The following CFAP92 variants were observed in gnomAD, a reference collection of about 807,000 sequenced individuals.
CFAP92 encodes uncharacterized protein CFAP92.
CFAP92 carries 86 observed loss-of-function variants against 106.3 expected under a neutral mutation model. That is an observed-to-expected ratio of 0.81 (90% CI 0.68 to 0.97). The LOEUF (loss-of-function observed/expected upper bound fraction) is 0.97, where lower values mean the gene tolerates loss of function less well. CFAP92 is among the 50% of genes least tolerant of loss of function. The pLI is 0.00. For synonymous variants in CFAP92, 477 were observed against 506.4 expected (o/e 0.94, Z 0.78); for missense variants, 1,204 against 1,283.8 (o/e 0.94, Z 0.95).
the CFAP92 span, among the ~76,000 whole-genome samples, chr3:129,008,982 A>G: frequency 7.6e-5 from 10 of 132,010 alleles, no homozygotes; most frequent in Non-Finnish European, 1.3e-4. Flanking sequence ...ATTTTTATGC[A>G]TAGTAGACAT....
In CFAP92 at chr3:128,910,122, C is replaced by A. The variant is rs1030645883; in HGVS notation, c.*177G>T. ...TGTCGCGGGCCAGCCGCTCCATCCG[C>A]ATTGGGCTCCGCAACCACGACCACG... On this transcript the variant is annotated 3_prime_UTR_variant, in exon 16 of 16. Coordinates refer to ENST00000645291, the MANE Select transcript of CFAP92 (RefSeq NM_001394090.1). 6.2e-7 allele frequency: 1 copy of A among 1,613,952 alleles called. No individual in the cohort carries two copies. The highest frequency in any genetic ancestry group is 1.7e-5 in the Admixed American group (1 of 60,006).
chr3:128,993,032 C>T lies in CFAP92; in HGVS notation c.262+11G>A. 1.9e-6 allele frequency: 3 copies of T among 1,613,960 alleles called. No homozygotes were observed. The highest frequency in any genetic ancestry group is 2.5e-6 in the Non-Finnish European group (3 of 1,179,854). ...TTTCAGAGGGTGTTAAACTTCTGCT[C>T]TAGCACCTACCCATATTCACAGGGA... On this transcript the variant is annotated intron_variant, in intron 2 of 15. Transcript: ENST00000645291.
chr3:128,913,217 T>G, intron 15 of CFAP92: 1 of 372,804 alleles, frequency 2.7e-6, no homozygotes, highest in Non-Finnish European at 5.3e-6. Flanking sequence ...GTCCCCTTTG[T>G]CCTCACCCTG....
chr3:129,024,135 A>AT, the CFAP92 span, among the ~76,000 whole-genome samples: 61 of 152,354 alleles, frequency 4.0e-4, no homozygotes, highest in African/African-American at 1.5e-3. Context: ...GAGAAACACC[A>AT]TAACACACCA....
the CFAP92 span, among the ~76,000 whole-genome samples, chr3:129,015,786 A>G: frequency 2.2e-5 from 3 of 135,334 alleles, no homozygotes; most frequent in South Asian, 7.7e-4. Flanking sequence ...CCGCCCCCCT[A>G]CCCCAAGCTG....
the CFAP92 span, among the ~76,000 whole-genome samples, chr3:129,026,466 C>G: frequency 6.6e-6 from 1 of 152,222 alleles, no homozygotes; most frequent in South Asian, 2.1e-4. Context: ...TACCTGCTGA[C>G]ATACCTCCTC....
At chr3:128,938,110 C>G (rs567497582) in intron 10 of CFAP92, among the ~76,000 whole-genome samples, 1 of 150,504 alleles carries the variant, frequency 6.6e-6, no homozygotes, top group South Asian at 2.1e-4. Context: ...ACATGCTTGT[C>G]GGTCCCAGCT....
intron 1 of CFAP92, chr3:129,002,561 C>CA (rs1477319447): frequency 2.6e-6 from 2 of 772,250 alleles, no homozygotes; most frequent in Non-Finnish European, 3.7e-6. Context: ...CAATCACACT[C>CA]AAACAACCAT....
chr3:128,945,484 G>A lies in CFAP92; in HGVS notation c.1845C>T (p.His615=), dbSNP rs778639639. ...TGCCCCTGGGCATTGGGCCGTGCTG[G>A]TGGCCATCTCTGGGGACCCCAAGCC... is the stretch of plus-strand genomic sequence containing the variant. ...VVGLGVPRDG[H]QHGPMPRGNY... is the part of the protein sequence containing the mutation. The change falls in exon 10 of 16, where the codon CAC becomes CAT. Residue 615 remains histidine, a synonymous_variant. Coordinates refer to ENST00000645291, the MANE Select transcript of CFAP92 (RefSeq NM_001394090.1). 44 of 1,536,028 alleles carry A rather than the reference G, an allele frequency of 2.9e-5. No homozygotes were observed. In the South Asian group the frequency reaches 5.1e-4, roughly 18 times the overall value.
chr3:128,980,071 T>C (rs1373474899), intron 4 of CFAP92, among the ~76,000 whole-genome samples: 1 of 151,242 alleles, frequency 6.6e-6, no homozygotes, highest in African/African-American at 2.4e-5. Flanking sequence ...AAATACTTCA[T>C]TGCTAAAATA....
chr3:128,978,051 A>G lies in CFAP92; in HGVS notation c.802T>C (p.Leu268=). 1.2e-6 allele frequency: 2 copies of G among 1,613,888 alleles called. No homozygotes were observed. The highest frequency in any genetic ancestry group is 2.7e-5 in the African/African-American group (2 of 74,998). The part of the protein sequence containing the change: ...QEKTEKHPKS[L]QGSHQAEPET... ...AAAGGCCTTCTCCGCTCACCTTGCA[A>G]AGACTTTGGGTGTTTTTCTGTTTTT... is the stretch of plus-strand genomic sequence containing the variant. The change falls in exon 5 of 16, where the codon TTG becomes CTG. Residue 268 remains leucine, a synonymous_variant. Coordinates refer to ENST00000645291, the MANE Select transcript of CFAP92 (RefSeq NM_001394090.1).
At chr3:128,997,080 C>T (rs1052812075), upstream of CFAP92, among the ~76,000 whole-genome samples, 3 of 152,230 alleles carry the variant, frequency 2.0e-5, no homozygotes, top group Non-Finnish European at 4.4e-5. Flanking sequence ...GGGATGAAGA[C>T]ATGGACTGTA....
intron 4 of CFAP92, among the ~76,000 whole-genome samples, chr3:128,981,274 G>A (rs564496152): frequency 6.6e-6 from 1 of 151,950 alleles, no homozygotes; most frequent in African/African-American, 2.4e-5. Context: ...CTGACCTCGT[G>A]ATCTGTCCCC....
chr3:128,982,958 A>G (rs1011260999), intron 4 of CFAP92, among the ~76,000 whole-genome samples: 29 of 152,218 alleles, frequency 1.9e-4, no homozygotes, highest in Non-Finnish European at 3.1e-4. Flanking sequence ...AGCAGATATA[A>G]TAAGTGTGAA....
intron 4 of CFAP92, among the ~76,000 whole-genome samples, chr3:128,979,947 A>ATATATATATAT (rs1553758975): frequency 1.6e-5 from 2 of 128,306 alleles, no homozygotes; most frequent in African/African-American, 6.0e-5. Context: ...AAAGTATAAT[A>ATATATATATAT]ATATATATAT....
chr3:129,003,784 G>A (rs1216571860), upstream of CFAP92: 3 of 1,435,710 alleles, frequency 2.1e-6, no homozygotes, highest in Non-Finnish European at 2.7e-6. Flanking sequence ...CTGCTGCCCT[G>A]TCCCCGCAGG....
intron 3 of CFAP92, among the ~76,000 whole-genome samples, chr3:128,988,128 G>A (rs950980726): frequency 9.9e-5 from 15 of 151,574 alleles, no homozygotes; most frequent in African/African-American, 3.1e-4. Context: ...GTGTGTGCAG[G>A]TAGTGTGTAC....
the CFAP92 span, among the ~76,000 whole-genome samples, chr3:129,011,001 TCA>T: frequency 2.0e-5 from 3 of 152,282 alleles, no homozygotes; most frequent in South Asian, 2.1e-4. Context: ...TCTGTGAGTC[TCA>T]GTTTCCTCGG....
At chr3:128,924,432 CTTTTTTTTTTTTTTTT>C (rs71153151) in intron 12 of CFAP92, among the ~76,000 whole-genome samples, 3 of 69,824 alleles carry the variant, frequency 4.3e-5, no homozygotes, top group African/African-American at 1.1e-4. Context: ...ACGATTGTAT[CTTTTTTTTTTTTTTTT>C]TTTTTTTTTT....
Sources: allele counts gnomAD v4.1 joint callset (sites outside exome capture counted in the v4.1 genomes callset), GRCh38; gene constraint gnomAD v4.1.1; transcripts MANE v1.5; gene names NCBI Gene and HGNC (gene_info 2026-07-23, HGNC 2026-07-21).